Variants in ATP9B observed in about 807,000 individuals in gnomAD.
ATP9B encodes the protein ATPase phospholipid transporting 9B, also known as probable phospholipid-transporting ATPase IIB.
Under a neutral mutation model 146.1 loss-of-function variants are expected in ATP9B, and 110 were observed. That is an observed-to-expected ratio of 0.75 (90% CI 0.65 to 0.88). ATP9B has a LOEUF of 0.88. Ranked by LOEUF, ATP9B falls within the 40% of genes least tolerant of loss-of-function variation. The pLI, the probability that ATP9B is intolerant of heterozygous loss-of-function variation, is 0.00. For synonymous variants in ATP9B, 604 were observed against 569.7 expected, an observed-to-expected ratio of 1.06 and a Z score of -0.86; for missense variants, 1,499 against 1,496.4, an observed-to-expected ratio of 1.00 and a Z score of -0.03.
At chr18:79,335,468 T>C (rs552706024) in intron 17 of ATP9B, among the ~76,000 whole-genome samples, 1 of 152,374 alleles carries the variant, frequency 6.6e-6, no homozygotes, top group South Asian at 2.1e-4. Flanking sequence ...GTAGTGTTTT[T>C]TATTTTGACA....
chr18:79,269,455 T>G lies in ATP9B; in HGVS notation c.1269-7599T>G, dbSNP rs567758712. Among the ~76,000 whole-genome samples the G allele has an allele frequency of 5.3e-5, 8 of 152,364 alleles. No individual in the cohort carries two copies. In the South Asian group the frequency reaches 1.7e-3, roughly 32 times the overall value. On this transcript the variant is annotated intron_variant, in intron 12 of 29. Transcript: ENST00000426216. ...CTGGTTGGTTTCTTTATCACATTGA[T>G]TATTTCATTTTTAAAGTTGCCTATT...
At chr18:79,139,709 A>T (rs993179223) in intron 5 of ATP9B, among the ~76,000 whole-genome samples, 1 of 152,156 alleles carries the variant, frequency 6.6e-6, no homozygotes, top group Non-Finnish European at 1.5e-5. Flanking sequence ...TAGTTGTTTT[A>T]AAATGTACAA....
chr18:79,263,820 C>G (rs2096171281), intron 12 of ATP9B, among the ~76,000 whole-genome samples: 1 of 152,206 alleles, frequency 6.6e-6, no homozygotes, highest in African/African-American at 2.4e-5. Context: ...CGCGTTGGCT[C>G]ACGCCTGTAA....
chr18:79,154,624 A>G, intron 7 of ATP9B, 69 bp downstream of exon 7: 1 of 1,009,752 alleles, frequency 9.9e-7, no homozygotes, highest in Non-Finnish European at 1.4e-6. Flanking sequence ...AAATATCTAT[A>G]CAAGGAAAAA....
At position 79,294,234 on chromosome 18, in the gene ATP9B, C is replaced by T. The variant is rs2096531194; in HGVS notation, c.1412-9370C>T. Among the ~76,000 whole-genome samples, 4 of 152,320 alleles carry T rather than the reference C, an allele frequency of 2.6e-5. No homozygotes were observed. In the South Asian group the frequency reaches 8.3e-4, roughly 32 times the overall value. Reference sequence around the variant, plus strand: ...TTTAGAAATGCCAGAGTTCTCTTCTCCAGAAAAAGATGTCCCAAAGTCAAT... The same window carrying T: ...TTTAGAAATGCCAGAGTTCTCTTCTTCAGAAAAAGATGTCCCAAAGTCAAT... On this transcript the variant is annotated intron_variant, in intron 13 of 29. Coordinates refer to ENST00000426216, the MANE Select transcript of ATP9B (RefSeq NM_198531.5).
At chr18:79,077,169 G>T (rs529829105) in intron 1 of ATP9B, among the ~76,000 whole-genome samples, 5 of 152,130 alleles carry the variant, frequency 3.3e-5, no homozygotes, top group Non-Finnish European at 7.3e-5. Context: ...TGGTTTTGGG[G>T]ATAATGAGTG....
chr18:79,110,514 A>ATTG lies in ATP9B; in HGVS notation c.444+10_444+12dup. On this transcript the variant is annotated intron_variant, in intron 3 of 29. Transcript: ENST00000426216. ...TTACCTTTATACCTGGGGTAAGACT[A>ATTG]TTGCATTCTTGGAGATGGGTTGTGT... 6.3e-7 allele frequency: 1 copy of ATTG among 1,596,184 alleles called. No homozygotes were observed. The highest frequency in any genetic ancestry group is 1.1e-5 in the South Asian group (1 of 89,076).
intron 4 of ATP9B, among the ~76,000 whole-genome samples, chr18:79,121,241 C>T (rs1444806582): frequency 2.6e-5 from 4 of 152,184 alleles, no homozygotes; most frequent in Non-Finnish European, 4.4e-5. Flanking sequence ...CTTGGGTTAT[C>T]TGGAGAAATA....
chr18:79,344,032 T>G (rs548179481), intron 20 of ATP9B: 2 of 573,994 alleles, frequency 3.5e-6, no homozygotes, highest in South Asian at 2.1e-5. Flanking sequence ...GTTTCCTGCT[T>G]GCAGTTGCCA....
chr18:79,236,187 T>C (rs1470043744), intron 11 of ATP9B, among the ~76,000 whole-genome samples: 1 of 152,248 alleles, frequency 6.6e-6, no homozygotes, highest in African/African-American at 2.4e-5. Flanking sequence ...TTTAGCATTC[T>C]AGTGAGTATG....
At chr18:79,286,565 C>T (rs1337674777) in intron 13 of ATP9B, among the ~76,000 whole-genome samples, 1 of 152,128 alleles carries the variant, frequency 6.6e-6, no homozygotes, top group African/African-American at 2.4e-5. Flanking sequence ...CATCTGCAAA[C>T]AGGGACAGTT....
At position 79,303,602 on chromosome 18, in the gene ATP9B, A is replaced by C; in HGVS notation, c.1412-2A>C. On this transcript the variant is annotated splice_acceptor_variant, in intron 13 of 29. Coordinates refer to ENST00000426216, the MANE Select transcript of ATP9B (RefSeq NM_198531.5). LOFTEE classifies it high-confidence loss of function. ...TGTTTGCTGTTGTCCCCTTTATCCT[A>C]GGAACCCTCACCCAGAATGAAATGA... The C allele has an allele frequency of 6.2e-7, 1 of 1,613,286 alleles. No individual in the cohort carries two copies. The highest frequency in any genetic ancestry group is 8.5e-7 in the Non-Finnish European group (1 of 1,179,446).
At chr18:79,173,579 T>C (rs1364160713) in intron 7 of ATP9B, 1 of 420,014 alleles carries the variant, frequency 2.4e-6, no homozygotes, top group Non-Finnish European at 4.7e-6. Context: ...TAGTGAAGAC[T>C]CCATTCTCCA....
At chr18:79,215,187 T>G (rs1375286558) in intron 11 of ATP9B, among the ~76,000 whole-genome samples, 3 of 151,816 alleles carry the variant, frequency 2.0e-5, no homozygotes, top group Non-Finnish European at 4.4e-5. Flanking sequence ...GCAAGATGTA[T>G]TCCATTTTTT....
chr18:79,317,595 G>A (rs190028094), intron 15 of ATP9B, among the ~76,000 whole-genome samples: 5 of 152,254 alleles, frequency 3.3e-5, no homozygotes, highest in Admixed American at 3.3e-4. Context: ...GATACATGAT[G>A]ATAATAGCCA....
chr18:79,285,387 T>C (rs1206078187), intron 13 of ATP9B, among the ~76,000 whole-genome samples: 1 of 152,264 alleles, frequency 6.6e-6, no homozygotes, highest in African/African-American at 2.4e-5. Context: ...ATGAGCATTT[T>C]TTCATGTGTC....
At chr18:79,208,751 G>GTGTA (rs2095557619) in intron 10 of ATP9B, among the ~76,000 whole-genome samples, 1 of 151,682 alleles carries the variant, frequency 6.6e-6, no homozygotes, top group Non-Finnish European at 1.5e-5. Flanking sequence ...ATGTGTGTGT[G>GTGTA]TGTATATATA....
At position 79,079,837 on chromosome 18, in the gene ATP9B, AG is replaced by A. The variant is rs1286220113; in HGVS notation, c.119+10312del. ...TTAATTTTCGTATAAGTTGTAAGGA[AG>A]GGGTCCAGTTTCAGTTTTCTGCATA... is the stretch of plus-strand genomic sequence containing the variant. On this transcript the variant is annotated intron_variant, in intron 1 of 29. Coordinates refer to ENST00000426216, the MANE Select transcript of ATP9B (RefSeq NM_198531.5). Among the ~76,000 whole-genome samples, 3 of 152,218 alleles carry A rather than the reference AG, an allele frequency of 2.0e-5. No homozygotes were observed. In the East Asian group the frequency reaches 5.8e-4, roughly 29 times the overall value.
At chr18:79,377,204 T>A (rs758857195) in intron 29 of ATP9B, 43 bp from the exon 30 acceptor site, 7 of 1,606,050 alleles carry the variant, frequency 4.4e-6, no homozygotes, top group Non-Finnish European at 5.9e-6. Context: ...GGCCCAGGAC[T>A]TCTTGGTCAG....
Sources: allele counts gnomAD v4.1 joint callset (sites outside exome capture counted in the v4.1 genomes callset), GRCh38; gene constraint gnomAD v4.1.1; transcripts MANE v1.5; gene names NCBI Gene and HGNC (gene_info 2026-07-23, HGNC 2026-07-21).